PIWIL1: variants seen among roughly 807,000 people sequenced by gnomAD.
PIWIL1 encodes the protein piwi-like protein 1.
PIWIL1 carries 73 observed loss-of-function variants against 114.4 expected under a neutral mutation model. That is an observed-to-expected ratio of 0.64 (90% confidence interval 0.53 to 0.78). The LOEUF is 0.78. PIWIL1 is among the 30% of genes least tolerant of loss of function. The probability of loss-of-function intolerance (pLI) is 0.00; values close to 1 mark genes in which losing one functional copy is unlikely to be tolerated. For missense variants in PIWIL1, 723 were observed against 1,063.1 expected (o/e 0.68, Z 4.45); for synonymous variants, 375 against 369.0 (o/e 1.02, Z -0.19).
At chr12:130,388,662 T>C in the PIWIL1 span, among the ~76,000 whole-genome samples, 1 of 152,162 alleles carries the variant, frequency 6.6e-6, no homozygotes, top group African/African-American at 2.4e-5. Flanking sequence ...TGTACTGATA[T>C]TGTACATTTT....
intron 18 of PIWIL1, among the ~76,000 whole-genome samples, chr12:130,364,099 GT>G (rs1245414474): frequency 2.0e-5 from 3 of 152,126 alleles, no homozygotes; most frequent in Non-Finnish European, 4.4e-5. Flanking sequence ...AATCAGTTAC[GT>G]TAACTAGTCC....
At chr12:130,400,893 CACT>C in the PIWIL1 span, among the ~76,000 whole-genome samples, 1 of 152,186 alleles carries the variant, frequency 6.6e-6, no homozygotes, top group African/African-American at 2.4e-5. Flanking sequence ...TACCACCTCA[CACT>C]ACTATCAAAA....
chr12:130,359,053 T>C (rs2073441731), intron 14 of PIWIL1, among the ~76,000 whole-genome samples: 1 of 152,142 alleles, frequency 6.6e-6, no homozygotes, highest in African/African-American at 2.4e-5. Flanking sequence ...GCTTTCTAAG[T>C]TATATTTCTT....
At chr12:130,386,379 C>T in the PIWIL1 span, among the ~76,000 whole-genome samples, 6 of 151,890 alleles carry the variant, frequency 4.0e-5, no homozygotes, top group Admixed American at 2.0e-4. Flanking sequence ...TAAACCATGG[C>T]AATAGCCACC....
At chr12:130,359,460 T>TCCCTGCC (rs1326968660) in intron 14 of PIWIL1, among the ~76,000 whole-genome samples, 1 of 152,178 alleles carries the variant, frequency 6.6e-6, no homozygotes, top group African/African-American at 2.4e-5. Flanking sequence ...CCATAACCAT[T>TCCCTGCC]CCCTGCCCTG....
chr12:130,407,657 T>G, the PIWIL1 span: 2 of 1,235,504 alleles, frequency 1.6e-6, no homozygotes, highest in Non-Finnish European at 2.4e-6. Context: ...GTGGCCTCAG[T>G]GTGGTGTACC....
the PIWIL1 span, among the ~76,000 whole-genome samples, chr12:130,416,183 C>T: frequency 6.6e-6 from 1 of 152,204 alleles, no homozygotes; most frequent in South Asian, 2.1e-4. Context: ...CTATTTCTAT[C>T]AAACTTCCAT....
At chr12:130,415,826 T>C in the PIWIL1 span, among the ~76,000 whole-genome samples, 1 of 152,288 alleles carries the variant, frequency 6.6e-6, no homozygotes, top group African/African-American at 2.4e-5. Flanking sequence ...GCTAAAAGGC[T>C]CCTAAACCAA....
chr12:130,417,044 C>A, the PIWIL1 span, among the ~76,000 whole-genome samples: 2 of 152,104 alleles, frequency 1.3e-5, no homozygotes, highest in African/African-American at 4.8e-5. Context: ...CAATGAGATA[C>A]CATCTCACAC....
the PIWIL1 span, chr12:130,397,264 A>G: frequency 7.6e-6 from 3 of 395,986 alleles, no homozygotes; most frequent in Non-Finnish European, 1.3e-5. Context: ...TCAGGGGAGA[A>G]GATTGGGTTT....
the PIWIL1 span, among the ~76,000 whole-genome samples, chr12:130,382,002 T>C: frequency 6.6e-6 from 1 of 152,260 alleles, no homozygotes; most frequent in Admixed American, 6.5e-5. Flanking sequence ...CAGGCTGTTG[T>C]CTCATTGTTG....
chr12:130,401,094 A>G, the PIWIL1 span, among the ~76,000 whole-genome samples: 2 of 152,178 alleles, frequency 1.3e-5, no homozygotes, highest in Middle Eastern at 3.4e-3. Flanking sequence ...CTACTGAACT[A>G]TATACTTAAA....
intron 14 of PIWIL1, among the ~76,000 whole-genome samples, chr12:130,360,476 T>A (rs981284648): frequency 1.3e-5 from 2 of 151,954 alleles, no homozygotes; most frequent in Non-Finnish European, 2.9e-5. Context: ...CTACTAAAAA[T>A]ACAAAAATTA....
At chr12:130,392,197 G>A in the PIWIL1 span, among the ~76,000 whole-genome samples, 471 of 80,392 alleles carry the variant, frequency 5.9e-3, 15 homozygotes, top group Admixed American at 0.013. Flanking sequence ...CCGTCATCAC[G>A]TGGATGCATC....
chr12:130,417,868 A>G, the PIWIL1 span, among the ~76,000 whole-genome samples: 68,790 of 146,340 alleles, frequency 0.47, 17,542 homozygotes, highest in African/African-American at 0.71. Flanking sequence ...AGAGAATGGG[A>G]GGGGAGAGGG....
Position 130,362,768 on chromosome 12 carries a change from G to C in PIWIL1, c.1973G>C (p.Trp658Ser), listed in dbSNP as rs753575814. ...TAGCTGTGTTTTTCTCTGAATAGCT[G>C]GTTCTCACGCTGCATATTTCAGGAT... ...VASINEGMTRWFSRCIFQDRG... is the reference protein window; with the variant it reads ...VASINEGMTRSFSRCIFQDRG... Residue 658 changes from tryptophan (W) to serine (S), a missense_variant and splice_region_variant, in exon 17 of 21, where the codon TGG (tryptophan) becomes TCG (serine). Transcript: ENST00000245255. 6.2e-7 allele frequency: 1 copy of C among 1,613,880 alleles called. No homozygotes were observed. The highest frequency in any genetic ancestry group is 1.1e-5 in the South Asian group (1 of 91,052).
At chr12:130,351,041 A>T (rs1302905319) in intron 9 of PIWIL1, 1 of 151,836 alleles carries the variant, frequency 6.6e-6, no homozygotes, top group East Asian at 1.9e-4. Context: ...CAGCCTCTTT[A>T]CTCCTTGAGG....
intron 18 of PIWIL1, 72 bp downstream of exon 18, chr12:130,363,216 A>G (rs1330491059): frequency 1.4e-6 from 2 of 1,445,906 alleles, no homozygotes; most frequent in East Asian, 4.6e-5. Flanking sequence ...TTAGCATCAC[A>G]AGATGAAAGG....
At chr12:130,412,360 G>A in the PIWIL1 span, among the ~76,000 whole-genome samples, 1 of 152,148 alleles carries the variant, frequency 6.6e-6, no homozygotes, top group African/African-American at 2.4e-5. Flanking sequence ...CAAGCAAGAC[G>A]GTACTTCATC....
Sources: gnomAD v4.1 joint callset for allele counts (sites outside exome capture counted in the v4.1 genomes callset) on GRCh38, gnomAD v4.1.1 for gene constraint, MANE v1.5 for transcripts, NCBI Gene and HGNC (gene_info 2026-07-23, HGNC 2026-07-21) for gene names.